The following DNAAF4 variants were observed in gnomAD, a reference collection of about 807,000 sequenced individuals.
DNAAF4 encodes dynein axonemal assembly factor 4, also known as dynein assembly factor 4, axonemal.
A neutral mutation model predicts 51.8 loss-of-function variants in DNAAF4; 43 were observed. The ratio of observed to expected loss-of-function variants is 0.83; its 90% confidence interval spans 0.65 to 1.07. The LOEUF is 1.07. Among genes scored for constraint, DNAAF4 ranks in the 50% least tolerant of loss-of-function variants. The pLI, the probability that DNAAF4 is intolerant of heterozygous loss-of-function variation, is 0.00. For missense variants in DNAAF4, 581 were observed against 493.0 expected, an observed-to-expected ratio of 1.18 and a Z score of -1.69; for synonymous variants, 194 against 165.6, an observed-to-expected ratio of 1.17 and a Z score of -1.32.
chr15:55,456,542 G>A (rs965546580), intron 5 of DNAAF4, among the ~76,000 whole-genome samples: 3 of 152,164 alleles, frequency 2.0e-5, no homozygotes, highest in Non-Finnish European at 4.4e-5. Flanking sequence ...AACAGCATCT[G>A]GAGACTCACA....
At chr15:55,457,383 C>A (rs1372020028) in intron 5 of DNAAF4, among the ~76,000 whole-genome samples, 2 of 152,126 alleles carry the variant, frequency 1.3e-5, no homozygotes, top group Non-Finnish European at 2.9e-5. Context: ...TCCACCCCCA[C>A]TGTGGCCACA....
intron 4 of DNAAF4, among the ~76,000 whole-genome samples, chr15:55,489,146 G>C (rs1295056436): frequency 6.6e-6 from 1 of 151,758 alleles, no homozygotes; most frequent in Non-Finnish European, 1.5e-5. Context: ...CTTCCTGCTG[G>C]TCAACTGTTC....
chr15:55,496,775 G>T (rs1359790399), intron 3 of DNAAF4, among the ~76,000 whole-genome samples: 1 of 151,010 alleles, frequency 6.6e-6, no homozygotes, highest in South Asian at 2.1e-4. Flanking sequence ...AATTGAATGA[G>T]TTCAGGATAT....
At chr15:55,484,178 C>A (rs1241410426) in intron 4 of DNAAF4, among the ~76,000 whole-genome samples, 1 of 151,898 alleles carries the variant, frequency 6.6e-6, no homozygotes, top group Non-Finnish European at 1.5e-5. Context: ...TACAGTATGG[C>A]AATTCCTCAA....
At chr15:55,470,145 A>G (rs1288144830) in intron 4 of DNAAF4, among the ~76,000 whole-genome samples, 1 of 150,468 alleles carries the variant, frequency 6.6e-6, no homozygotes, top group Admixed American at 6.6e-5. Flanking sequence ...TCCGCCTCCC[A>G]GGTTCAAGTG....
intron 1 of DNAAF4, among the ~76,000 whole-genome samples, chr15:55,504,154 G>C (rs547010648): frequency 6.6e-6 from 1 of 152,276 alleles, no homozygotes; most frequent in South Asian, 2.1e-4. Context: ...CAAATCATGA[G>C]TGAACTCCCA....
rs753440358 is a variant in DNAAF4 at position 55,497,772 on chromosome 15, T to C, written c.211A>G (p.Ile71Val). ...SSKAKIGNDT[I>V]VFTLYKKEAA... ...TCTTTTTTATACAAGGTGAAGACAA[T>C]GGTGTCATTCCCAATCTTTGCTTTG... The change falls in exon 3 of 10, where the codon ATT (isoleucine) becomes GTT (valine). Residue 71 changes from isoleucine to valine, a missense_variant. By Grantham distance (29) the Ile-to-Val change is conservative. Transcript: ENST00000321149. 1.0e-5 allele frequency: 16 copies of C among 1,570,168 alleles called. No homozygotes were observed. In the South Asian group the frequency reaches 1.2e-4, roughly 12 times the overall value.
chr15:55,419,610 T>A (rs1277558547), intron 7 of DNAAF4, among the ~76,000 whole-genome samples: 2 of 152,186 alleles, frequency 1.3e-5, no homozygotes, highest in Non-Finnish European at 2.9e-5. Flanking sequence ...AATTTATTGA[T>A]AGATTGAGCA....
intron 7 of DNAAF4, among the ~76,000 whole-genome samples, chr15:55,436,045 C>T (rs1303570806): frequency 6.6e-6 from 1 of 152,186 alleles, no homozygotes; most frequent in Non-Finnish European, 1.5e-5. Flanking sequence ...GCTTCGGCCT[C>T]CCAAAGCGCT....
Position 55,444,033 on chromosome 15 carries a change from G to A in DNAAF4, c.784-4452C>T, listed in dbSNP as rs1331236817. The stretch of plus-strand genomic sequence containing the variant: ...ATGGTAGTTTCTTTTGCTGTGCAGA[G>A]GCTCTTTAGTTTAATTAGATCCCAT... On this transcript the variant is annotated intron_variant, in intron 6 of 9. Transcript: ENST00000321149. Among the ~76,000 whole-genome samples the A allele has an allele frequency of 8.6e-5, 13 of 151,820 alleles. No homozygotes were observed. The East Asian group carries it at 1.2e-3, about 14-fold the overall frequency.
intron 7 of DNAAF4, among the ~76,000 whole-genome samples, chr15:55,423,878 C>A (rs1341037840): frequency 1.3e-5 from 2 of 152,070 alleles, no homozygotes; most frequent in Non-Finnish European, 2.9e-5. Context: ...CGCCAGAGGT[C>A]GGGAGTTTTG....
At chr15:55,428,873 T>C (rs2057458199), downstream of DNAAF4, among the ~76,000 whole-genome samples, 1 of 152,072 alleles carries the variant, frequency 6.6e-6, no homozygotes, top group Non-Finnish European at 1.5e-5. Flanking sequence ...TAAATCTTTA[T>C]ATAAGATGCT....
At chr15:55,491,070 A>G in intron 4 of DNAAF4, 53 bp downstream of exon 4, 3 of 1,601,686 alleles carry the variant, frequency 1.9e-6, no homozygotes, top group Non-Finnish European at 2.6e-6. Flanking sequence ...CACTATCCTC[A>G]CATAGTCTAC....
intron 7 of DNAAF4, among the ~76,000 whole-genome samples, chr15:55,435,851 C>T (rs998441716): frequency 2.0e-5 from 3 of 152,110 alleles, no homozygotes; most frequent in South Asian, 2.1e-4. Context: ...TGCAATGGTG[C>T]GATCTTGGCT....
intron 4 of DNAAF4, among the ~76,000 whole-genome samples, chr15:55,470,521 T>A (rs1017444281): frequency 6.6e-6 from 1 of 150,778 alleles, no homozygotes; most frequent in Non-Finnish European, 1.5e-5. Context: ...TTTATGGAGG[T>A]TTTATCTAGC....
At chr15:55,442,849 A>G in intron 6 of DNAAF4, 2 of 1,612,790 alleles carry the variant, frequency 1.2e-6, no homozygotes, top group South Asian at 1.1e-5. Flanking sequence ...CCCAGCCATC[A>G]TTGCACACAT....
downstream of DNAAF4, among the ~76,000 whole-genome samples, chr15:55,428,504 TTTTTTTTTG>T: frequency 7.2e-6 from 1 of 138,282 alleles, no homozygotes; most frequent in African/African-American, 2.7e-5. Flanking sequence ...TTTTTTTTTT[TTTTTTTTTG>T]AGATGGAGTC....
chr15:55,442,771 C>T, intron 6 of DNAAF4: 1 of 1,603,440 alleles, frequency 6.2e-7, no homozygotes, highest in Non-Finnish European at 8.5e-7. Context: ...GCTATTTATC[C>T]TAACAACAGA....
At chr15:55,452,341 C>G (rs572118267) in intron 5 of DNAAF4, among the ~76,000 whole-genome samples, 1 of 145,866 alleles carries the variant, frequency 6.9e-6, no homozygotes, top group Non-Finnish European at 1.5e-5. Context: ...CTTCAGATTA[C>G]TAATAATACT....
Sources: allele counts gnomAD v4.1 joint callset (sites outside exome capture counted in the v4.1 genomes callset), GRCh38; gene constraint gnomAD v4.1.1; transcripts MANE v1.5; gene names NCBI Gene and HGNC (gene_info 2026-07-23, HGNC 2026-07-21).